Variants in C18orf63 observed in about 807,000 individuals in gnomAD.
C18orf63 encodes the protein uncharacterized protein C18orf63.
Under a neutral mutation model 75.3 loss-of-function variants are expected in C18orf63, and 50 were observed. That is an observed-to-expected ratio of 0.66 (90% CI 0.53 to 0.84). The LOEUF is 0.84. C18orf63 is among the 40% of genes least tolerant of loss of function. The pLI is 0.00. For missense variants in C18orf63, 732 were observed against 800.2 expected (o/e 0.91, Z 1.03); for synonymous variants, 232 against 267.6 (o/e 0.87, Z 1.30).
At chr18:74,349,698 T>C (rs1984634649) in intron 11 of C18orf63, among the ~76,000 whole-genome samples, 2 of 151,362 alleles carry the variant, frequency 1.3e-5, no homozygotes, top group South Asian at 4.2e-4. Flanking sequence ...CATGGAAAAA[T>C]TGTCTTCCAC....
chr18:74,353,534 A>G lies in C18orf63; in HGVS notation c.1267A>G (p.Thr423Ala), dbSNP rs1047902071. Residue 423 changes from threonine to alanine, a missense_variant, in exon 12 of 14, where the codon ACA (threonine) becomes GCA (alanine). Transcript: ENST00000579455. ...CAGAGGAAATACTCAAGTTCAGCAC[A>G]CAAATCTTAGCTCCCAAAGCAACAT... ...PNRGNTQVQH[T>A]NLSSQSNITP... 5.9e-6 allele frequency: 9 copies of G among 1,536,646 alleles called. No individual in the cohort carries two copies. The South Asian group carries it at 9.5e-5, about 16-fold the overall frequency.
intron 8 of C18orf63, among the ~76,000 whole-genome samples, chr18:74,339,184 T>A (rs943122769): frequency 2.0e-5 from 3 of 152,016 alleles, no homozygotes; most frequent in Non-Finnish European, 4.4e-5. Flanking sequence ...GAGTTTTGAG[T>A]TTGTACTATT....
intron 13 of C18orf63, among the ~76,000 whole-genome samples, chr18:74,355,812 C>G (rs1191404579): frequency 6.6e-6 from 1 of 152,126 alleles, no homozygotes; most frequent in Non-Finnish European, 1.5e-5. Flanking sequence ...GCAGAAGAAT[C>G]ACTTGAACCC....
chr18:74,349,584 G>A (rs978536196), intron 11 of C18orf63, among the ~76,000 whole-genome samples: 3 of 152,104 alleles, frequency 2.0e-5, no homozygotes, highest in Admixed American at 6.5e-5. Flanking sequence ...TGTGAACTGC[G>A]TACACGAGGG....
chr18:74,353,431 GC>G lies in C18orf63; in HGVS notation c.1166del (p.Pro389GlnfsTer23). ...SGIFSALHLQ[P>X]ESVQGRKKSL... Reference sequence around the variant, plus strand: ...GCATTTTCTCAGCTTTGCATCTCCAGCCAGAGTCTGTTCAGGGTAGAAAGAA... The same window carrying G: ...GCATTTTCTCAGCTTTGCATCTCCAGCAGAGTCTGTTCAGGGTAGAAAGAA... On this transcript the variant is annotated frameshift_variant, in exon 12 of 14. Coordinates refer to ENST00000579455, the MANE Select transcript of C18orf63 (RefSeq NM_001174123.2). LOFTEE classifies it high-confidence loss of function. The G allele has an allele frequency of 6.5e-7, 1 of 1,536,346 alleles. No homozygotes were observed. The highest frequency in any genetic ancestry group is 8.7e-7 in the Non-Finnish European group (1 of 1,146,960).
At chr18:74,339,115 A>G (rs1382719809) in intron 8 of C18orf63, among the ~76,000 whole-genome samples, 8 of 152,096 alleles carry the variant, frequency 5.3e-5, no homozygotes, top group Admixed American at 4.6e-4. Flanking sequence ...TCAAAATAAT[A>G]TTAATAAAAC....
intron 10 of C18orf63, 88 bp downstream of exon 10, chr18:74,342,414 C>A: frequency 1.3e-6 from 1 of 748,204 alleles, no homozygotes. Flanking sequence ...ACTTTTCAAC[C>A]TTCTTTCTCT....
At chr18:74,333,344 G>T (rs1317617268) in intron 7 of C18orf63, among the ~76,000 whole-genome samples, 5 of 152,112 alleles carry the variant, frequency 3.3e-5, no homozygotes, top group Non-Finnish European at 7.4e-5. Flanking sequence ...CAGCATGCCT[G>T]GTTATTCATC....
At chr18:74,336,695 A>G (rs1984397265) in intron 7 of C18orf63, among the ~76,000 whole-genome samples, 1 of 152,078 alleles carries the variant, frequency 6.6e-6, no homozygotes, top group South Asian at 2.1e-4. Context: ...TTTCAAATGA[A>G]TGTACTAATG....
intron 11 of C18orf63, among the ~76,000 whole-genome samples, chr18:74,345,655 T>C (rs1400151736): frequency 1.3e-5 from 2 of 152,028 alleles, no homozygotes; most frequent in South Asian, 4.1e-4. Flanking sequence ...TCCCCAATAG[T>C]TTTTCTCCCC....
At position 74,338,794 on chromosome 18, in the gene C18orf63, T is replaced by G; in HGVS notation, c.581T>G (p.Ile194Ser). Reference sequence around the variant, plus strand: ...CATGCTGTCATTGAGAGACATTCCATTTTAAGCAACTGGTGCTACGTTTTG... The same window carrying G: ...CATGCTGTCATTGAGAGACATTCCAGTTTAAGCAACTGGTGCTACGTTTTG... ...NKHAVIERHS[I>S]LSNWCYVLPS... Residue 194 changes from isoleucine to serine, a missense_variant, in exon 8 of 14, where the codon ATT (isoleucine) becomes AGT (serine). This residue lies in a region of C18orf63 where 233 missense variants were observed against 272.7 expected (regional missense o/e 0.85). Transcript: ENST00000579455. 1 of 1,413,290 alleles carries G rather than the reference T, an allele frequency of 7.1e-7. No individual in the cohort carries two copies. Among genetic ancestry groups the G allele is most frequent in the African/African-American group, 1.4e-5 (1 of 70,534 alleles). The allele number at this position is 1,413,290 out of a possible 1,614,324, so 87.5% of individuals were successfully genotyped here. A position where few individuals can be genotyped will look rare whatever the true frequency, so the allele number is the denominator to read the frequency against.
Position 74,354,373 on chromosome 18 carries a change from T to G in C18orf63, c.2002-84T>G, listed in dbSNP as rs192983571. On this transcript the variant is annotated intron_variant, in intron 12 of 13. Transcript: ENST00000579455. ...CTAAGATCATTTAGAACCATACTAA[T>G]TAATAAACAGAATATCTACCCTAGA... 2.2e-3 allele frequency: 2,734 copies of G among 1,270,620 alleles called. 4 individuals are homozygous for G. The highest frequency in any genetic ancestry group is 2.8e-3 in the Non-Finnish European group (2,605 of 939,026). 78.7% of individuals were successfully genotyped at this position (1,270,620 alleles called of 1,614,324 possible).
At chr18:74,349,176 T>C (rs1339250036) in intron 11 of C18orf63, among the ~76,000 whole-genome samples, 2 of 152,204 alleles carry the variant, frequency 1.3e-5, no homozygotes, top group African/African-American at 2.4e-5. Context: ...CTATAATTCA[T>C]TTTAATTCTT....
chr18:74,351,607 G>T (rs1984668279), intron 11 of C18orf63, among the ~76,000 whole-genome samples: 1 of 152,196 alleles, frequency 6.6e-6, no homozygotes, highest in Admixed American at 6.5e-5. Flanking sequence ...CAGCATGAGA[G>T]ATGCCAAACT....
chr18:74,320,660 G>C, intron 3 of C18orf63, 69 bp downstream of exon 3: 3 of 901,790 alleles, frequency 3.3e-6, no homozygotes, highest in Non-Finnish European at 5.0e-6. Context: ...AATAATTTAG[G>C]TATTATAGCT....
intron 2 of C18orf63, among the ~76,000 whole-genome samples, chr18:74,319,700 G>A (rs2145113646): frequency 6.6e-6 from 1 of 152,232 alleles, no homozygotes; most frequent in Non-Finnish European, 1.5e-5. Flanking sequence ...TCACTGATAG[G>A]TGAATCCTTA....
rs909089414 is a variant in C18orf63 at position 74,354,544 on chromosome 18, C to G, written c.*31C>G. On this transcript the variant is annotated splice_region_variant and 3_prime_UTR_variant, in exon 13 of 14. Transcript: ENST00000579455. Reference sequence around the variant, plus strand: ...GGACCTGAAAGAAGGAAATGTCTACCAGGTAACTGAAGTGATAGCTTTTGA... The same window carrying G: ...GGACCTGAAAGAAGGAAATGTCTACGAGGTAACTGAAGTGATAGCTTTTGA... 1.5e-6 allele frequency: 2 copies of G among 1,292,220 alleles called. No individual in the cohort carries two copies. The highest frequency in any genetic ancestry group is 4.6e-5 in the Admixed American group (2 of 43,538). 80.0% of individuals were successfully genotyped at this position (1,292,220 alleles called of 1,614,324 possible).
chr18:74,324,233 G>C (rs549562905), intron 4 of C18orf63, among the ~76,000 whole-genome samples: 7 of 152,094 alleles, frequency 4.6e-5, no homozygotes, highest in Non-Finnish European at 8.8e-5. Context: ...TACAATTTTC[G>C]CTTTGCAAAC....
Sources: allele counts gnomAD v4.1 joint callset (sites outside exome capture counted in the v4.1 genomes callset), GRCh38; gene constraint gnomAD v4.1.1; regional missense constraint gnomAD v4.1.1; transcripts MANE v1.5; gene names NCBI Gene and HGNC (gene_info 2026-07-23, HGNC 2026-07-21).